DLGAP2: variants seen among roughly 807,000 people sequenced by gnomAD.
DLGAP2 encodes the protein disks large-associated protein 2.
DLGAP2 carries 26 observed loss-of-function variants against 100.3 expected under a neutral mutation model. That is an observed-to-expected ratio of 0.26 (90% CI 0.19 to 0.36). The LOEUF is 0.36. Among genes scored for constraint, DLGAP2 ranks in the 10% least tolerant of loss-of-function variants. DLGAP2 has a pLI of 1.00. For missense variants in DLGAP2, 1,858 were observed against 1,453.2 expected (o/e 1.28, Z -4.53); for synonymous variants, 886 against 630.1 (o/e 1.41, Z -6.08).
chr8:863,838 C>G (rs192938886), intron 1 of DLGAP2, among the ~76,000 whole-genome samples: 1 of 152,108 alleles, frequency 6.6e-6, no homozygotes, highest in African/African-American at 2.4e-5. Context: ...ATGCTGTGAT[C>G]CAGCAATCCC....
At chr8:853,931 G>A (rs111232498) in intron 1 of DLGAP2, among the ~76,000 whole-genome samples, 82 of 152,196 alleles carry the variant, frequency 5.4e-4, no homozygotes, top group African/African-American at 1.8e-3. Context: ...CATGAGGGTG[G>A]GGCCGCCACA....
At chr8:1,001,343 A>G (rs1800950159) in intron 2 of DLGAP2, among the ~76,000 whole-genome samples, 1 of 152,212 alleles carries the variant, frequency 6.6e-6, no homozygotes, top group African/African-American at 2.4e-5. Flanking sequence ...CAAAAACATA[A>G]GTTTGTGTTA....
intron 3 of DLGAP2, among the ~76,000 whole-genome samples, chr8:1,491,532 G>A (rs1460615039): frequency 6.6e-6 from 1 of 152,212 alleles, no homozygotes. Context: ...TTAAAGTAGT[G>A]TTTCCTGGGT....
At chr8:1,284,133 T>C (rs758831663) in intron 3 of DLGAP2, among the ~76,000 whole-genome samples, 1 of 152,208 alleles carries the variant, frequency 6.6e-6, no homozygotes, top group African/African-American at 2.4e-5. Context: ...CCTCAGAGCA[T>C]TGTGACTGCG....
intron 4 of DLGAP2, among the ~76,000 whole-genome samples, chr8:1,536,994 C>T (rs1215987743): frequency 2.6e-5 from 4 of 151,972 alleles, no homozygotes; most frequent in Admixed American, 1.3e-4. Context: ...CCTCCAAGGC[C>T]GGTACAATGA....
At chr8:1,302,029 T>C (rs1392195250) in intron 3 of DLGAP2, 1 of 152,282 alleles carries the variant, frequency 6.6e-6, no homozygotes, top group Non-Finnish European at 1.5e-5. Context: ...GGCATTCTGT[T>C]CTTAAACTCT....
At chr8:1,425,608 G>C (rs534773295) in intron 3 of DLGAP2, among the ~76,000 whole-genome samples, 50 of 152,304 alleles carry the variant, frequency 3.3e-4, no homozygotes, top group African/African-American at 1.2e-3. Flanking sequence ...CGGACAGCCT[G>C]GGCGCATGAT....
At chr8:749,831 G>T (rs1056069650) in intron 1 of DLGAP2, among the ~76,000 whole-genome samples, 2 of 152,134 alleles carry the variant, frequency 1.3e-5, no homozygotes, top group Non-Finnish European at 2.9e-5. Context: ...GGTATCCTGG[G>T]GCCTGCTCCC....
At chr8:1,333,565 A>T (rs10091366) in intron 3 of DLGAP2, among the ~76,000 whole-genome samples, 114,151 of 151,466 alleles carry the variant, frequency 0.75, 43,741 homozygotes, top group African/African-American at 0.9. Flanking sequence ...TCATCCGGAC[A>T]CCTCCATTGC....
At chr8:848,203 A>C (rs192516523) in intron 1 of DLGAP2, among the ~76,000 whole-genome samples, 1 of 152,328 alleles carries the variant, frequency 6.6e-6, no homozygotes, top group Admixed American at 6.5e-5. Flanking sequence ...TTATAGACTT[A>C]TCTATATTGC....
chr8:750,221 G>A (rs1251168829), intron 1 of DLGAP2, among the ~76,000 whole-genome samples: 55 of 152,332 alleles, frequency 3.6e-4, no homozygotes, highest in Admixed American at 3.3e-3. Flanking sequence ...CTAGACACGC[G>A]CATCCACCCT....
At chr8:1,207,487 C>T (rs182872767) in intron 2 of DLGAP2, among the ~76,000 whole-genome samples, 3 of 152,296 alleles carry the variant, frequency 2.0e-5, no homozygotes, top group Admixed American at 2.0e-4. Flanking sequence ...AGTTGATAGG[C>T]ATTTGGGCTG....
chr8:1,688,013 G>A (rs1001531107), intron 12 of DLGAP2, among the ~76,000 whole-genome samples: 3 of 152,120 alleles, frequency 2.0e-5, no homozygotes, highest in East Asian at 1.9e-4. Context: ...TGCAGAACAC[G>A]TTCATTTTGG....
At chr8:1,533,055 T>C (rs936831314) in intron 4 of DLGAP2, among the ~76,000 whole-genome samples, 1 of 150,546 alleles carries the variant, frequency 6.6e-6, no homozygotes, top group Non-Finnish European at 1.5e-5. Context: ...GCCTGATTTA[T>C]AGATTCCCAA....
intron 1 of DLGAP2, among the ~76,000 whole-genome samples, chr8:898,717 C>G (rs1463576967): frequency 6.6e-6 from 1 of 152,184 alleles, no homozygotes; most frequent in Non-Finnish European, 1.5e-5. Context: ...GGCCCTCCAT[C>G]TGCTCTTTAT....
intron 3 of DLGAP2, among the ~76,000 whole-genome samples, chr8:1,292,723 CA>C (rs1221568578): frequency 6.6e-6 from 1 of 152,102 alleles, no homozygotes; most frequent in Middle Eastern, 3.2e-3. Context: ...TCTTCTGACC[CA>C]GGAATTATTT....
chr8:1,195,868 G>A (rs989622802), intron 2 of DLGAP2, among the ~76,000 whole-genome samples: 4 of 152,136 alleles, frequency 2.6e-5, no homozygotes, highest in Non-Finnish European at 5.9e-5. Flanking sequence ...CCAAATGAGG[G>A]TCATTTTTCT....
chr8:1,011,919 T>C (rs1010897863), intron 2 of DLGAP2, among the ~76,000 whole-genome samples: 1 of 152,184 alleles, frequency 6.6e-6, no homozygotes, highest in African/African-American at 2.4e-5. Flanking sequence ...CCGAGGATGC[T>C]CTCTTGCCCT....
chr8:1,211,992 C>T lies in DLGAP2; in HGVS notation c.74-46859C>T, dbSNP rs186959371. On this transcript the variant is annotated intron_variant, in intron 2 of 14. Coordinates refer to ENST00000637795, the MANE Select transcript of DLGAP2 (RefSeq NM_001346810.2). Reference sequence around the variant, plus strand: ...AGGTCTGACTGGCGCTGTGGAAACACAAGGCTCTTGGTTCTTGGTCCTTCA... The same window carrying T: ...AGGTCTGACTGGCGCTGTGGAAACATAAGGCTCTTGGTTCTTGGTCCTTCA... 3.0e-3 allele frequency among the ~76,000 whole-genome samples: 452 copies of T among 152,366 alleles called. 1 individual carries two copies. The highest frequency in any genetic ancestry group is 0.011 in the African/African-American group (445 of 41,586).
Sources: gnomAD v4.1 joint callset for allele counts (sites outside exome capture counted in the v4.1 genomes callset) on GRCh38, gnomAD v4.1.1 for gene constraint, MANE v1.5 for transcripts, NCBI Gene and HGNC (gene_info 2026-07-23, HGNC 2026-07-21) for gene names.